PAXIP1: variants seen among roughly 807,000 people sequenced by gnomAD.
The protein encoded by PAXIP1 is PAX interacting protein 1.
PAXIP1 carries 19 observed loss-of-function variants against 140.6 expected under a neutral mutation model. That is an observed-to-expected ratio of 0.14 (90% CI 0.09 to 0.20). The LOEUF (loss-of-function observed/expected upper bound fraction) is 0.20. Ranked by LOEUF, PAXIP1 falls within the 10% of genes least tolerant of loss-of-function variation. The pLI is 1.00. For synonymous variants in PAXIP1, 442 were observed against 444.6 expected, an observed-to-expected ratio of 0.99 and a Z score of 0.07; for missense variants, 920 against 1,208.6, an observed-to-expected ratio of 0.76 and a Z score of 3.54.
rs764336280 is a variant in PAXIP1 at position 155,002,882 on chromosome 7, G to A, written c.48C>T (p.Val16=). The change falls in exon 1 of 21, where the codon GTC becomes GTT. Residue 16 remains valine, a synonymous_variant. Transcript: ENST00000404141. ...PKVPEEMFRE[V]KYYAVGDIDP... is the part of the protein sequence containing the mutation. Reference sequence around the variant, plus strand: ...CGATGTCGCCCACCGCGTAATACTTGACCTCCCTGAACATCTCCTCAGGAA... The same window carrying A: ...CGATGTCGCCCACCGCGTAATACTTAACCTCCCTGAACATCTCCTCAGGAA... The A allele has an allele frequency of 1.1e-5, 16 of 1,417,134 alleles. No individual in the cohort carries two copies. Among genetic ancestry groups the A allele is most frequent in the Non-Finnish European group, 1.5e-5 (16 of 1,065,136 alleles). 87.8% of individuals were successfully genotyped at this position (1,417,134 alleles called of 1,614,324 possible).
chr7:154,995,655 G>C (rs188997345), intron 2 of PAXIP1, among the ~76,000 whole-genome samples: 1 of 152,178 alleles, frequency 6.6e-6, no homozygotes, highest in South Asian at 2.1e-4. Flanking sequence ...TTCGAGACCA[G>C]CCTGGCCAAC....
At chr7:154,970,969 C>T (rs926197578) in intron 6 of PAXIP1, among the ~76,000 whole-genome samples, 1 of 152,194 alleles carries the variant, frequency 6.6e-6, no homozygotes, top group Non-Finnish European at 1.5e-5. Context: ...CTGAACTAGT[C>T]ATTACCAAAT....
At chr7:154,991,416 G>A (rs1325213282) in intron 3 of PAXIP1, among the ~76,000 whole-genome samples, 2 of 149,650 alleles carry the variant, frequency 1.3e-5, no homozygotes, top group African/African-American at 4.8e-5. Flanking sequence ...ACACACAAAT[G>A]GCATAGCAGT....
Position 154,975,927 on chromosome 7 carries a change from C to T in PAXIP1, c.843G>A (p.Leu281=). 1.2e-6 allele frequency: 2 copies of T among 1,613,968 alleles called. No individual in the cohort carries two copies. Among genetic ancestry groups the T allele is most frequent in the Non-Finnish European group, 1.7e-6 (2 of 1,179,858 alleles). Residue 281 remains leucine (L), a synonymous_variant, in exon 6 of 21, where the codon CTG becomes CTA. Coordinates refer to ENST00000404141, the MANE Select transcript of PAXIP1 (RefSeq NM_007349.4). ...VPQLAAAKRR[L]PQGKEPGLIN... ...TCAACCCAGGCTCCTTTCCCTGAGG[C>T]AGCCTGCGTTTTGCTGCAGCTAACT... is the stretch of plus-strand genomic sequence containing the variant.
At chr7:154,997,419 G>A (rs527335972) in intron 2 of PAXIP1, among the ~76,000 whole-genome samples, 14 of 152,148 alleles carry the variant, frequency 9.2e-5, no homozygotes, top group Admixed American at 6.5e-4. Context: ...CACCAGGCTG[G>A]CAATCTTTCT....
intron 5 of PAXIP1, among the ~76,000 whole-genome samples, chr7:154,981,741 A>G (rs752122943): frequency 2.0e-5 from 3 of 152,222 alleles, no homozygotes; most frequent in Non-Finnish European, 4.4e-5. Flanking sequence ...CAATTAAAGT[A>G]TTTATATATA....
Position 154,946,962 on chromosome 7 carries a change from T to G in PAXIP1, c.2923-149A>C. 1.8e-6 allele frequency: 1 copy of G among 566,734 alleles called. No individual in the cohort carries two copies. The highest frequency in any genetic ancestry group is 2.9e-5 in the East Asian group (1 of 34,370). 35.1% of individuals were successfully genotyped at this position (566,734 alleles called of 1,614,324 possible). A position where few individuals can be genotyped will look rare whatever the true frequency, so the allele number is the denominator to read the frequency against. On this transcript the variant is annotated intron_variant, in intron 17 of 20. Transcript: ENST00000404141. The surrounding 1 kb of genome is among the most constrained non-coding windows in gnomAD (Gnocchi z 4.9). ...GTACTATTCTCCTACTAGCACTCAA[T>G]CTGAAGTGGAAGAGGAATCCAGCTA...
intron 8 of PAXIP1, chr7:154,965,599 CGAG>C (rs1483688233): frequency 2.0e-5 from 3 of 152,172 alleles, no homozygotes. Flanking sequence ...GTGAAAACGA[CGAG>C]GATGAAGACC....
chr7:154,952,026 C>T (rs981026963), intron 16 of PAXIP1: 1 of 152,190 alleles, frequency 6.6e-6, no homozygotes, highest in African/African-American at 2.4e-5. Flanking sequence ...CTATCTCCTT[C>T]TAAACTGTAT....
At position 154,986,207 on chromosome 7, in the gene PAXIP1, G is replaced by A; in HGVS notation, c.325-2875C>T. 7.4e-7 allele frequency: 1 copy of A among 1,345,438 alleles called. No homozygotes were observed. Among genetic ancestry groups the A allele is most frequent in the Non-Finnish European group, 9.9e-7 (1 of 1,013,510 alleles). 83.3% of individuals were successfully genotyped at this position (1,345,438 alleles called of 1,614,324 possible). ...GACGGGGAAAAGACAGAAGGTCACT[G>A]AGAACCACCAAGAAACAGTCCTTTT... On this transcript the variant is annotated intron_variant, in intron 4 of 20. Transcript: ENST00000404141. This position sits in a 1 kb window ranked among gnomAD's most constrained non-coding sequence, Gnocchi z 4.8.
At chr7:154,995,931 A>T (rs1014974868) in intron 2 of PAXIP1, among the ~76,000 whole-genome samples, 10 of 152,266 alleles carry the variant, frequency 6.6e-5, no homozygotes, top group African/African-American at 2.4e-4. Context: ...ATCTCAATTT[A>T]AAAAATAATT....
chr7:154,993,146 C>T (rs1245689252), intron 3 of PAXIP1, among the ~76,000 whole-genome samples: 5 of 152,132 alleles, frequency 3.3e-5, no homozygotes, highest in Admixed American at 6.5e-5. Context: ...GCCTGTAGAA[C>T]GCCTCATTTC....
intron 13 of PAXIP1, among the ~76,000 whole-genome samples, chr7:154,957,660 G>A (rs1808578657): frequency 6.6e-6 from 1 of 152,078 alleles, no homozygotes; most frequent in African/African-American, 2.4e-5. Flanking sequence ...TTTGTCCTGT[G>A]TCCCAATTTA....
At chr7:154,982,642 C>T (rs770960680) in intron 5 of PAXIP1, among the ~76,000 whole-genome samples, 4 of 152,310 alleles carry the variant, frequency 2.6e-5, no homozygotes, top group East Asian at 1.9e-4. Context: ...TGAGCCACTG[C>T]GCCTGGCCAA....
At chr7:154,976,600 A>G (rs1017593452) in intron 5 of PAXIP1, among the ~76,000 whole-genome samples, 15 of 152,244 alleles carry the variant, frequency 9.9e-5, no homozygotes, top group African/African-American at 3.6e-4. Flanking sequence ...ACTTTTTAAA[A>G]TGATATTTTA....
At chr7:154,961,209 G>C in intron 11 of PAXIP1, 132 bp from the exon 12 acceptor site, 1 of 718,356 alleles carries the variant, frequency 1.4e-6, no homozygotes, top group South Asian at 2.0e-5. Flanking sequence ...TCCTAGCAAA[G>C]TTGAGGGTGA....
chr7:154,968,372 G>A (rs976338719), intron 7 of PAXIP1, 31 bp downstream of exon 7: 24 of 1,503,104 alleles, frequency 1.6e-5, no homozygotes, highest in Non-Finnish European at 2.1e-5. Flanking sequence ...AAGACTTTTA[G>A]GAGAGAGGAA....
intron 20 of PAXIP1, 65 bp from the exon 21 acceptor site, chr7:154,944,229 C>T (rs1310943563): frequency 6.9e-7 from 1 of 1,445,788 alleles, no homozygotes. Flanking sequence ...ACCAAGGGTT[C>T]CAACATTCAT....
intron 4 of PAXIP1, 68 bp from the exon 5 acceptor site, chr7:154,983,400 T>A: frequency 1.4e-6 from 1 of 738,518 alleles, no homozygotes; most frequent in East Asian, 2.7e-5. Context: ...ATTTTCACTT[T>A]AGTAATATAC....
Sources: gnomAD v4.1 joint callset for allele counts (sites outside exome capture counted in the v4.1 genomes callset) on GRCh38, gnomAD v4.1.1 for gene constraint, Gnocchi (gnomAD v3.1) non-coding constraint, MANE v1.5 for transcripts, NCBI Gene and HGNC (gene_info 2026-07-23, HGNC 2026-07-21) for gene names.